The following SEC23IP variants were observed in gnomAD, a reference collection of about 807,000 sequenced individuals.
SEC23IP encodes SEC23-interacting protein.
Under a neutral mutation model 113.4 loss-of-function variants are expected in SEC23IP, and 70 were observed. That is an observed-to-expected ratio of 0.62 (90% CI 0.51 to 0.75). The LOEUF (loss-of-function observed/expected upper bound fraction) is 0.75, where lower values mean the gene tolerates loss of function less well. Ranked by LOEUF, SEC23IP falls within the 30% of genes least tolerant of loss-of-function variation. The pLI, the probability that SEC23IP is intolerant of heterozygous loss-of-function variation, is 0.00. For synonymous variants in SEC23IP, 398 were observed against 421.0 expected, an observed-to-expected ratio of 0.95 and a Z score of 0.67; for missense variants, 1,160 against 1,204.9, an observed-to-expected ratio of 0.96 and a Z score of 0.55.
intron 1 of SEC23IP, among the ~76,000 whole-genome samples, chr10:119,893,513 T>A (rs1854167016): frequency 7.7e-6 from 1 of 130,110 alleles, no homozygotes; most frequent in Non-Finnish European, 1.6e-5. Context: ...GCATTCCTTA[T>A]CTTTTTTTTT....
intron 2 of SEC23IP, among the ~76,000 whole-genome samples, chr10:119,901,598 G>A (rs180997528): frequency 6.6e-6 from 1 of 152,232 alleles, no homozygotes; most frequent in East Asian, 1.9e-4. Flanking sequence ...TATTTAAAGT[G>A]TACAATTAGC....
intron 4 of SEC23IP, among the ~76,000 whole-genome samples, chr10:119,905,489 A>T (rs571800361): frequency 6.0e-4 from 92 of 152,200 alleles, no homozygotes; most frequent in Non-Finnish European, 1.2e-3. Context: ...ATGGCTACCT[A>T]GGGAGACCTT....
intron 18 of SEC23IP, among the ~76,000 whole-genome samples, chr10:119,939,657 A>C (rs1251002746): frequency 2.0e-5 from 3 of 152,220 alleles, no homozygotes; most frequent in African/African-American, 7.2e-5. Flanking sequence ...CCTGGGCGAC[A>C]GGGCGAGACT....
intron 12 of SEC23IP, 117 bp downstream of exon 12, chr10:119,921,101 G>T: frequency 1.5e-6 from 1 of 665,960 alleles, no homozygotes; most frequent in South Asian, 2.0e-5. Context: ...CCCTACCTAG[G>T]GCACAGTAAT....
Position 119,929,641 on chromosome 10 carries a change from C to T in SEC23IP, c.2348C>T (p.Pro783Leu), listed in dbSNP as rs1324262982. Reference protein sequence around the residue: ...SVAYNSLDFEPEIFFALGSPI... With the variant: ...SVAYNSLDFELEIFFALGSPI... ...GCTTACAACTCATTAGATTTTGAAC[C>T]AGAGATATTCTTTGCCTTGGGGTCT... The change falls in exon 14 of 19, where the codon CCA (proline) becomes CTA (leucine). Residue 783 changes from proline (P) to leucine (L), a missense_variant. Coordinates refer to ENST00000369075, the MANE Select transcript of SEC23IP (RefSeq NM_007190.4). 1 of 1,610,186 alleles carries T rather than the reference C, an allele frequency of 6.2e-7. No individual in the cohort carries two copies. Among genetic ancestry groups the T allele is most frequent in the African/African-American group, 1.3e-5 (1 of 74,830 alleles).
At position 119,895,154 on chromosome 10, in the gene SEC23IP, C is replaced by T. The variant is rs188846212; in HGVS notation, c.163+2209C>T. Reference sequence around the variant, plus strand: ...ATCCCAGCACTTTGTGGGGCTGAGGCGGGTGGATCACCTGAGGTCAGGAGT... The same window carrying T: ...ATCCCAGCACTTTGTGGGGCTGAGGTGGGTGGATCACCTGAGGTCAGGAGT... On this transcript the variant is annotated intron_variant, in intron 1 of 18. Coordinates refer to ENST00000369075, the MANE Select transcript of SEC23IP (RefSeq NM_007190.4). Among the ~76,000 whole-genome samples, 465 of 152,198 alleles carry T rather than the reference C, an allele frequency of 3.1e-3. 3 individuals are homozygous for T. Among genetic ancestry groups the T allele is most frequent in the African/African-American group, 9.9e-3 (410 of 41,516 alleles).
At chr10:119,927,265 C>G (rs1855452784) in intron 13 of SEC23IP, among the ~76,000 whole-genome samples, 1 of 152,212 alleles carries the variant, frequency 6.6e-6, no homozygotes, top group African/African-American at 2.4e-5. Flanking sequence ...GAGATAATGA[C>G]TTATTCTTAT....
intron 12 of SEC23IP, among the ~76,000 whole-genome samples, chr10:119,921,976 T>A (rs1589841066): frequency 7.9e-5 from 1 of 12,732 alleles, no homozygotes; most frequent in Non-Finnish European, 1.3e-4. Flanking sequence ...GAATTGAGTC[T>A]TCTCAGCATT....
intron 2 of SEC23IP, among the ~76,000 whole-genome samples, chr10:119,899,551 AGAAC>A (rs1854409084): frequency 6.6e-6 from 1 of 152,250 alleles, no homozygotes; most frequent in South Asian, 2.1e-4. Flanking sequence ...AAAAGAATTA[AGAAC>A]CCATTTCAGT....
rs1314222947 is a variant in SEC23IP at position 119,943,764 on chromosome 10, C to T, written c.*3199C>T. 1 of 152,116 alleles carries T rather than the reference C, an allele frequency of 6.6e-6. No individual in the cohort carries two copies. The highest frequency in any genetic ancestry group is 6.5e-5 in the Admixed American group (1 of 15,272). 9.4% of individuals were successfully genotyped at this position (152,116 alleles called of 1,614,324 possible). On this transcript the variant is annotated 3_prime_UTR_variant, in exon 19 of 19. Coordinates refer to ENST00000369075, the MANE Select transcript of SEC23IP (RefSeq NM_007190.4). ...TTCAGATTAAGTGAAATGAGTTTCA[C>T]ATATTTCAATATATGAAATTTTATG...
intron 5 of SEC23IP, among the ~76,000 whole-genome samples, chr10:119,911,315 G>T (rs747724435): frequency 6.6e-6 from 1 of 150,832 alleles, no homozygotes; most frequent in Non-Finnish European, 1.5e-5. Context: ...GTAGAGACAG[G>T]GTCTCTAACT....
intron 5 of SEC23IP, among the ~76,000 whole-genome samples, chr10:119,911,723 C>T (rs1032857725): frequency 1.3e-5 from 2 of 152,142 alleles, no homozygotes; most frequent in African/African-American, 4.8e-5. Context: ...GATCCTCCCA[C>T]CTCAGCCTCC....
intron 14 of SEC23IP, 140 bp from the exon 15 acceptor site, chr10:119,930,189 G>T: frequency 2.0e-6 from 1 of 491,444 alleles, no homozygotes; most frequent in Non-Finnish European, 3.6e-6. Flanking sequence ...TTTCATAATT[G>T]TCAGTATTTG....
In SEC23IP at chr10:119,932,119, C is replaced by A; in HGVS notation, c.2573-14C>A. The A allele has an allele frequency of 6.3e-7, 1 of 1,575,386 alleles. No homozygotes were observed. Among genetic ancestry groups the A allele is most frequent in the Non-Finnish European group, 8.7e-7 (1 of 1,146,402 alleles). On this transcript the variant is annotated splice_polypyrimidine_tract_variant and intron_variant, in intron 15 of 18. Coordinates refer to ENST00000369075, the MANE Select transcript of SEC23IP (RefSeq NM_007190.4). ...GTGACTAATTAACTTGTTGTGTCATCTTAATCTCTTTAGAATTGAAAGAGA... is the reference window on the plus strand; with the variant it reads ...GTGACTAATTAACTTGTTGTGTCATATTAATCTCTTTAGAATTGAAAGAGA...
chr10:119,903,033 C>T (rs772387116), intron 3 of SEC23IP, 24 bp downstream of exon 3: 9 of 1,554,540 alleles, frequency 5.8e-6, no homozygotes, highest in Non-Finnish European at 8.0e-6. Flanking sequence ...ATACATCATT[C>T]ATATCTGATT....
rs1663149474 is a variant in SEC23IP, at chr10:119,941,726, T to A, written c.*1161T>A. The A allele has an allele frequency of 6.5e-6, 1 of 152,706 alleles. No homozygotes were observed. The highest frequency in any genetic ancestry group is 2.4e-5 in the African/African-American group (1 of 41,478). 9.5% of individuals were successfully genotyped at this position (152,706 alleles called of 1,614,324 possible). ...AAAGCAGTAACATTAATGCATTTTT[T>A]AAGCAGCAAACTTATGTATTTCTCT... On this transcript the variant is annotated 3_prime_UTR_variant, in exon 19 of 19. Coordinates refer to ENST00000369075, the MANE Select transcript of SEC23IP (RefSeq NM_007190.4).
rs747514618 is a variant in SEC23IP, at chr10:119,919,521, A to G, written c.1950A>G (p.Gln650=). 1 of 1,613,834 alleles carries G rather than the reference A, an allele frequency of 6.2e-7. No homozygotes were observed. The highest frequency in any genetic ancestry group is 1.1e-5 in the South Asian group (1 of 91,046). Residue 650 remains glutamine, a synonymous_variant, in exon 11 of 19, where the codon CAA becomes CAG. Coordinates refer to ENST00000369075, the MANE Select transcript of SEC23IP (RefSeq NM_007190.4). ...AAAATAAAGAAGTCCTAACTTTGCA[A>G]GAAACTCTGGAAGCACTTAGCCTCT... ...VVENKEVLTL[Q]ETLEALSLSE...
At position 119,940,742 on chromosome 10, in the gene SEC23IP, A is replaced by T. The variant is rs899367193; in HGVS notation, c.*177A>T. ...CGGATATAGGGATTCAAAAGACAGG[A>T]CACAGAACTAACACAGTGAAAAAAA... is the stretch of plus-strand genomic sequence containing the variant. On this transcript the variant is annotated 3_prime_UTR_variant, in exon 19 of 19. Coordinates refer to ENST00000369075, the MANE Select transcript of SEC23IP (RefSeq NM_007190.4). The T allele has an allele frequency of 6.6e-6, 1 of 152,140 alleles. No homozygotes were observed. Among genetic ancestry groups the T allele is most frequent in the African/African-American group, 2.4e-5 (1 of 41,422 alleles). The allele number at this position is 152,140 out of a possible 1,614,324, so 9.4% of individuals were successfully genotyped here.
At chr10:119,916,437 T>C (rs1481854003) in intron 8 of SEC23IP, among the ~76,000 whole-genome samples, 1 of 152,228 alleles carries the variant, frequency 6.6e-6, no homozygotes, top group African/African-American at 2.4e-5. Context: ...ATGCTCCCAA[T>C]TGAGAATCAT....
Sources: gnomAD v4.1 joint callset for allele counts (sites outside exome capture counted in the v4.1 genomes callset) on GRCh38, gnomAD v4.1.1 for gene constraint, MANE v1.5 for transcripts, NCBI Gene and HGNC (gene_info 2026-07-23, HGNC 2026-07-21) for gene names.